Variants in RGP1 observed in about 807,000 individuals in gnomAD.
RGP1 encodes the protein RAB6A-GEF complex partner protein 2.
In RGP1, 28 loss-of-function variants were observed where a neutral mutation model predicts 44.5. That is an observed-to-expected ratio of 0.63 (90% CI 0.47 to 0.86). The LOEUF is 0.86. Among genes scored for constraint, RGP1 ranks in the 40% least tolerant of loss-of-function variants. RGP1 has a pLI of 0.00. For missense variants in RGP1, 417 were observed against 490.7 expected (o/e 0.85, Z 1.42); for synonymous variants, 212 against 196.7 (o/e 1.08, Z -0.65).
chr9:35,762,290 C>T (rs1486413370), downstream of RGP1, among the ~76,000 whole-genome samples: 2 of 152,032 alleles, frequency 1.3e-5, no homozygotes, highest in Non-Finnish European at 2.9e-5. Flanking sequence ...TGGTTTAGTT[C>T]CAGAAGATAG....
chr9:35,782,179 G>A, the RGP1 span, among the ~76,000 whole-genome samples: 7 of 151,704 alleles, frequency 4.6e-5, no homozygotes, highest in Non-Finnish European at 8.8e-5. Context: ...TTACAGGTAG[G>A]AAATTTTATT....
the RGP1 span, among the ~76,000 whole-genome samples, chr9:35,769,338 C>T: frequency 6.6e-6 from 1 of 152,224 alleles, no homozygotes; most frequent in Non-Finnish European, 1.5e-5. Context: ...TCTCTCCTCA[C>T]CCTGAGGAGC....
chr9:35,765,911 T>C, the RGP1 span, among the ~76,000 whole-genome samples: 1 of 150,854 alleles, frequency 6.6e-6, no homozygotes, highest in Non-Finnish European at 1.5e-5. Flanking sequence ...CTCGGCTCAC[T>C]GCAAACTCCA....
intron 6 of RGP1, 85 bp downstream of exon 6, chr9:35,751,497 C>G: frequency 1.3e-6 from 2 of 1,596,572 alleles, no homozygotes; most frequent in Non-Finnish European, 1.7e-6. Context: ...CCACCACACA[C>G]TTCTGTGGAT....
chr9:35,753,232 C>G lies in RGP1; in HGVS notation c.*358C>G. 1.9e-6 allele frequency: 3 copies of G among 1,614,144 alleles called. No individual in the cohort carries two copies. Among genetic ancestry groups the G allele is most frequent in the East Asian group, 2.2e-5 (1 of 44,886 alleles). ...CCAAGGAGAACTGGCAGGTTCCTGC[C>G]TCCTGACGTACCTCACACCCAGCCG... On this transcript the variant is annotated 3_prime_UTR_variant, in exon 9 of 9. Coordinates refer to ENST00000378078, the MANE Select transcript of RGP1 (RefSeq NM_001080496.3). The surrounding 1 kb of genome is among the most constrained non-coding windows in gnomAD (Gnocchi z 4.2).
At chr9:35,772,713 C>T in the RGP1 span, among the ~76,000 whole-genome samples, 2 of 151,180 alleles carry the variant, frequency 1.3e-5, no homozygotes, top group African/African-American at 4.9e-5. Context: ...ATGGCGTGAA[C>T]CTGGGAGGCG....
chr9:35,778,788 GC>G, the RGP1 span, among the ~76,000 whole-genome samples: 1 of 152,100 alleles, frequency 6.6e-6, no homozygotes, highest in Non-Finnish European at 1.5e-5. Context: ...AGATCCACGT[GC>G]ACCTGAAATG....
In RGP1 at chr9:35,755,839, T is replaced by G. The variant is rs1827351470; in HGVS notation, c.*2965T>G. On this transcript the variant is annotated 3_prime_UTR_variant, in exon 9 of 9. Coordinates refer to ENST00000378078, the MANE Select transcript of RGP1 (RefSeq NM_001080496.3). ...AATCCATGTCACCTTTCCCACCTCT[T>G]TCAAAAACAGGTACCTCCAGGAACA... 6.6e-6 allele frequency: 1 copy of G among 152,240 alleles called. No homozygotes were observed. Among genetic ancestry groups the G allele is most frequent in the Non-Finnish European group, 1.5e-5 (1 of 68,080 alleles). The allele number at this position is 152,240 out of a possible 1,614,324, so 9.4% of individuals were successfully genotyped here.
chr9:35,766,692 GAC>G, the RGP1 span, among the ~76,000 whole-genome samples: 1 of 152,126 alleles, frequency 6.6e-6, no homozygotes, highest in East Asian at 1.9e-4. Flanking sequence ...CTGCACAAAA[GAC>G]ACAGTAGGAA....
the RGP1 span, among the ~76,000 whole-genome samples, chr9:35,765,838 T>TC: frequency 2.0e-5 from 3 of 149,500 alleles, no homozygotes; most frequent in African/African-American, 7.3e-5. Context: ...TTTCTTTCTT[T>TC]TTTTTTTTTT....
chr9:35,786,744 C>G, the RGP1 span: 5 of 152,138 alleles, frequency 3.3e-5, no homozygotes, highest in Non-Finnish European at 7.4e-5. Context: ...GAATATGATA[C>G]CTGTTTGTCT....
At chr9:35,770,028 G>A in the RGP1 span, among the ~76,000 whole-genome samples, 1 of 152,200 alleles carries the variant, frequency 6.6e-6, no homozygotes, top group African/African-American at 2.4e-5. Flanking sequence ...CATTTTGAAT[G>A]TTTTATAGTG....
the RGP1 span, chr9:35,780,188 C>A: frequency 6.6e-6 from 1 of 152,202 alleles, no homozygotes. Context: ...AGCTAAAACC[C>A]TTCTAGAGAA....
At chr9:35,771,268 C>T in the RGP1 span, among the ~76,000 whole-genome samples, 2 of 152,110 alleles carry the variant, frequency 1.3e-5, no homozygotes, top group Non-Finnish European at 2.9e-5. Context: ...AAGCAGTCAG[C>T]CCGGAGCACA....
At chr9:35,782,171 A>G in the RGP1 span, among the ~76,000 whole-genome samples, 1 of 151,504 alleles carries the variant, frequency 6.6e-6, no homozygotes, top group Admixed American at 6.6e-5. Flanking sequence ...CTTCTATATT[A>G]CAGGTAGGAA....
chr9:35,789,464 G>T, the RGP1 span, among the ~76,000 whole-genome samples: 1 of 151,464 alleles, frequency 6.6e-6, no homozygotes, highest in Admixed American at 6.6e-5. Flanking sequence ...ATATCTGATT[G>T]ATTTGTTTGG....
the RGP1 span, among the ~76,000 whole-genome samples, chr9:35,766,488 G>A: frequency 3.6e-4 from 55 of 152,226 alleles, no homozygotes; most frequent in Non-Finnish European, 6.3e-4. Context: ...TTTTGGTGAA[G>A]TCTAATGTTT....
chr9:35,768,598 TCTCCAGG>T, the RGP1 span, among the ~76,000 whole-genome samples: 3 of 152,286 alleles, frequency 2.0e-5, no homozygotes, highest in South Asian at 6.2e-4. Flanking sequence ...ACTCAGGCTA[TCTCCAGG>T]CTGAGAGAGA....
chr9:35,771,853 CAT>C, the RGP1 span, among the ~76,000 whole-genome samples: 2 of 152,358 alleles, frequency 1.3e-5, no homozygotes, highest in African/African-American at 4.8e-5. Flanking sequence ...ATTGCATTTA[CAT>C]AGTTTCTTCC....
Sources: gnomAD v4.1 joint callset for allele counts (sites outside exome capture counted in the v4.1 genomes callset) on GRCh38, gnomAD v4.1.1 for gene constraint, Gnocchi (gnomAD v3.1) non-coding constraint, MANE v1.5 for transcripts, NCBI Gene and HGNC (gene_info 2026-07-23, HGNC 2026-07-21) for gene names.